The following HMCES variants were observed in gnomAD, a reference collection of about 807,000 sequenced individuals.
The protein encoded by HMCES is 5-hydroxymethylcytosine binding, ES cell specific.
A neutral mutation model predicts 35.1 loss-of-function variants in HMCES; 27 were observed. That is an observed-to-expected ratio of 0.77 (90% CI 0.57 to 1.06). The LOEUF is 1.06. HMCES is among the 50% of genes least tolerant of loss of function. The probability of loss-of-function intolerance (pLI) is 0.00; values close to 1 mark genes in which losing one functional copy is unlikely to be tolerated. For missense variants in HMCES, 391 were observed against 430.4 expected (o/e 0.91, Z 0.81); for synonymous variants, 130 against 154.7 (o/e 0.84, Z 1.18).
In HMCES at chr3:129,279,814, C is replaced by T. The variant is rs780633668; in HGVS notation, c.82C>T (p.Arg28Trp). 6.2e-7 allele frequency: 1 copy of T among 1,613,106 alleles called. No individual in the cohort carries two copies. The highest frequency in any genetic ancestry group is 1.3e-5 in the African/African-American group (1 of 74,870). Reference sequence around the variant, plus strand: ...CTACCAGGATCGGCGGGGCCAGCAGCGGCTCCCGGAGTGGAGGGACCCTGA... The same window carrying T: ...CTACCAGGATCGGCGGGGCCAGCAGTGGCTCCCGGAGTGGAGGGACCCTGA... ...CAYQDRRGQQ[R>W]LPEWRDPDKY... The change falls in exon 2 of 7, where the codon CGG (arginine) becomes TGG (tryptophan). Residue 28 changes from arginine to tryptophan, a missense_variant. Coordinates refer to ENST00000383463, the MANE Select transcript of HMCES (RefSeq NM_020187.3). The surrounding 1 kb of genome is among the most constrained non-coding windows in gnomAD (Gnocchi z 4.2).
Position 129,279,722 on chromosome 3 carries a change from G to A in HMCES, c.-11G>A, listed in dbSNP as rs373040404. On this transcript the variant is annotated 5_prime_UTR_variant, in exon 2 of 7. Transcript: ENST00000383463. This position sits in a 1 kb window ranked among gnomAD's most constrained non-coding sequence, Gnocchi z 4.2. The stretch of plus-strand genomic sequence containing the variant: ...TTGTAATTTAAAGGTTGCGAGGGGC[G>A]GTGTTGAAGAATGTGTGGGCGAACA... 114 of 1,611,930 alleles carry A rather than the reference G, an allele frequency of 7.1e-5. No homozygotes were observed. Among genetic ancestry groups the A allele is most frequent in the Non-Finnish European group, 9.2e-5 (109 of 1,179,258 alleles).
rs201715773 is a variant in HMCES at position 129,287,188 on chromosome 3, G to GT, written c.184-1661dup. On this transcript the variant is annotated intron_variant, in intron 2 of 6. Coordinates refer to ENST00000383463, the MANE Select transcript of HMCES (RefSeq NM_020187.3). ...AAATGTAGTAATGTATATGTACAGT[G>GT]TTTTTGTTTTTTTTTGTGGGGTTTT... is the stretch of plus-strand genomic sequence containing the variant. Among the ~76,000 whole-genome samples, 1,354 of 150,538 alleles carry GT rather than the reference G, an allele frequency of 9.0e-3. 23 individuals are homozygous for GT. The highest frequency in any genetic ancestry group is 0.033 in the African/African-American group (1,326 of 40,362).
At position 129,305,028 on chromosome 3, in the gene HMCES, C is replaced by T; in HGVS notation, c.*203C>T. 3.4e-6 allele frequency: 2 copies of T among 586,382 alleles called. No individual in the cohort carries two copies. The highest frequency in any genetic ancestry group is 6.1e-6 in the Non-Finnish European group (2 of 330,334). 36.3% of individuals were successfully genotyped at this position (586,382 alleles called of 1,614,324 possible). A position where few individuals can be genotyped will look rare whatever the true frequency, so the allele number is the denominator to read the frequency against. On this transcript the variant is annotated 3_prime_UTR_variant, in exon 7 of 7. Coordinates refer to ENST00000383463, the MANE Select transcript of HMCES (RefSeq NM_020187.3). ...CAGCTTTGGAAGAGGTGTCCTGCTG[C>T]TGTTACCAGCCATGTGGGCCCCATA...
At position 129,285,738 on chromosome 3, in the gene HMCES, C is replaced by T. The variant is rs928311868; in HGVS notation, c.184-3116C>T. ...CTAGGATTACAGGCATGAGCCACCG[C>T]GCCCGGCCCAGGATTTTTTTTTTTT... On this transcript the variant is annotated intron_variant, in intron 2 of 6. Transcript: ENST00000383463. Among the ~76,000 whole-genome samples, 7 of 150,972 alleles carry T rather than the reference C, an allele frequency of 4.6e-5. No individual in the cohort carries two copies. In the East Asian group the frequency reaches 5.9e-4, roughly 13 times the overall value.
At position 129,279,368 on chromosome 3, in the gene HMCES, G is replaced by T. The variant is rs1224941288; in HGVS notation, c.-23-342G>T. On this transcript the variant is annotated intron_variant, in intron 1 of 6. Transcript: ENST00000383463. The surrounding 1 kb of genome is among the most constrained non-coding windows in gnomAD (Gnocchi z 4.2). ...TGGGGGGAAGGACGGGGAGTTGGGGGCACCAAGTCACCCGGAGGAGGCGAC... is the reference window on the plus strand; with the variant it reads ...TGGGGGGAAGGACGGGGAGTTGGGGTCACCAAGTCACCCGGAGGAGGCGAC... 6.6e-6 allele frequency among the ~76,000 whole-genome samples: 1 copy of T among 152,176 alleles called. No individual in the cohort carries two copies. The highest frequency in any genetic ancestry group is 1.5e-5 in the Non-Finnish European group (1 of 68,016).
rs755376352 is a variant in HMCES at position 129,279,830 on chromosome 3, G to C, written c.98G>C (p.Arg33Thr). The C allele has an allele frequency of 6.2e-7, 1 of 1,613,616 alleles. No individual in the cohort carries two copies. Among genetic ancestry groups the C allele is most frequent in the South Asian group, 1.1e-5 (1 of 90,978 alleles). ...RRGQQRLPEW[R>T]DPDKYCPSYN... ...GGCCAGCAGCGGCTCCCGGAGTGGAGGGACCCTGATAAGTACTGCCCCTCT... is the reference window on the plus strand; with the variant it reads ...GGCCAGCAGCGGCTCCCGGAGTGGACGGACCCTGATAAGTACTGCCCCTCT... The change falls in exon 2 of 7, where the codon AGG becomes ACG. Residue 33 changes from arginine (R) to threonine (T), a missense_variant. Transcript: ENST00000383463. The surrounding 1 kb of genome is among the most constrained non-coding windows in gnomAD (Gnocchi z 4.2).
chr3:129,296,155 G>A (rs1255652103), intron 4 of HMCES, among the ~76,000 whole-genome samples: 1 of 151,976 alleles, frequency 6.6e-6, no homozygotes, highest in African/African-American at 2.4e-5. Context: ...CTACTTCCCA[G>A]GTTCAAACAA....
At chr3:129,291,253 T>C (rs556396737) in intron 4 of HMCES, among the ~76,000 whole-genome samples, 1 of 152,240 alleles carries the variant, frequency 6.6e-6, no homozygotes, top group Non-Finnish European at 1.5e-5. Flanking sequence ...TAATTCACCT[T>C]AAAATTCACC....
At chr3:129,285,974 C>T (rs909400247) in intron 2 of HMCES, among the ~76,000 whole-genome samples, 7 of 151,798 alleles carry the variant, frequency 4.6e-5, no homozygotes, top group African/African-American at 1.7e-4. Context: ...AGGTGATCCG[C>T]TCGCCTCAGC....
intron 6 of HMCES, among the ~76,000 whole-genome samples, chr3:129,303,417 C>G (rs1487000679): frequency 6.6e-6 from 1 of 152,160 alleles, no homozygotes; most frequent in East Asian, 1.9e-4. Flanking sequence ...CTGATAAACT[C>G]CTGCAACCGT....
chr3:129,279,666 AT>A lies in HMCES; in HGVS notation c.-23-41del. ...GGGGACTCAAGGAATAAGACCTAAT[AT>A]TTGAGATACGTAAGCCTTTTCCTTA... On this transcript the variant is annotated intron_variant, in intron 1 of 6. Coordinates refer to ENST00000383463, the MANE Select transcript of HMCES (RefSeq NM_020187.3). The surrounding 1 kb of genome is among the most constrained non-coding windows in gnomAD (Gnocchi z 4.2). 1 of 1,575,430 alleles carries A rather than the reference AT, an allele frequency of 6.3e-7. No individual in the cohort carries two copies. Among genetic ancestry groups the A allele is most frequent in the Non-Finnish European group, 8.7e-7 (1 of 1,156,020 alleles).
intron 2 of HMCES, among the ~76,000 whole-genome samples, chr3:129,281,092 C>A (rs1017014805): frequency 6.6e-6 from 1 of 151,938 alleles, no homozygotes; most frequent in Middle Eastern, 3.4e-3. Context: ...TATGGTGGCA[C>A]GCACCTGTAG....
intron 4 of HMCES, among the ~76,000 whole-genome samples, chr3:129,297,694 A>G (rs1045542051): frequency 6.6e-6 from 1 of 152,126 alleles, no homozygotes; most frequent in African/African-American, 2.4e-5. Flanking sequence ...ACCTGGTTGT[A>G]TGAAGGCTTG....
At chr3:129,294,689 G>A (rs567175993) in intron 4 of HMCES, among the ~76,000 whole-genome samples, 4 of 152,172 alleles carry the variant, frequency 2.6e-5, no homozygotes, top group East Asian at 1.9e-4. Flanking sequence ...CTTTGTACAC[G>A]TACCTTCATT....
At chr3:129,302,723 A>AG (rs754625049) in intron 6 of HMCES, among the ~76,000 whole-genome samples, 4 of 152,006 alleles carry the variant, frequency 2.6e-5, no homozygotes, top group Non-Finnish European at 5.9e-5. Context: ...TTCAAAAAAA[A>AG]GAAGCTTCAG....
chr3:129,293,711 G>A (rs1051492156), intron 4 of HMCES, among the ~76,000 whole-genome samples: 1 of 151,786 alleles, frequency 6.6e-6, no homozygotes, highest in Non-Finnish European at 1.5e-5. Flanking sequence ...GGGATTACAG[G>A]TGCGTGCCAC....
At chr3:129,283,844 CA>C (rs533428027) in intron 2 of HMCES, among the ~76,000 whole-genome samples, 12 of 152,094 alleles carry the variant, frequency 7.9e-5, no homozygotes, top group Non-Finnish European at 1.8e-4. Flanking sequence ...AAAGAAAAAT[CA>C]ACCTTGAGCT....
Position 129,294,804 on chromosome 3 carries a change from C to G in HMCES, c.454-3550C>G, listed in dbSNP as rs1253604447. Reference sequence around the variant, plus strand: ...CTTTAATTTTTCTTGTAGTGTGGGTCTGCTGGTAATAAATTCTGATTTTTT... The same window carrying G: ...CTTTAATTTTTCTTGTAGTGTGGGTGTGCTGGTAATAAATTCTGATTTTTT... On this transcript the variant is annotated intron_variant, in intron 4 of 6. Transcript: ENST00000383463. Among the ~76,000 whole-genome samples the G allele has an allele frequency of 2.0e-5, 3 of 152,048 alleles. No individual in the cohort carries two copies. In the East Asian group the frequency reaches 5.8e-4, roughly 29 times the overall value.
intron 4 of HMCES, among the ~76,000 whole-genome samples, chr3:129,291,146 G>A (rs2071010693): frequency 6.6e-6 from 1 of 152,076 alleles, no homozygotes; most frequent in African/African-American, 2.4e-5. Context: ...AGGCTGCAAT[G>A]AGCTATGATC....
Sources: gnomAD v4.1 joint callset for allele counts (sites outside exome capture counted in the v4.1 genomes callset) on GRCh38, gnomAD v4.1.1 for gene constraint, Gnocchi (gnomAD v3.1) non-coding constraint, MANE v1.5 for transcripts, NCBI Gene and HGNC (gene_info 2026-07-23, HGNC 2026-07-21) for gene names.